The following PTPRG variants were observed in gnomAD, a reference collection of about 807,000 sequenced individuals.
PTPRG encodes receptor-type tyrosine-protein phosphatase gamma.
Under a neutral mutation model 165.3 loss-of-function variants are expected in PTPRG, and 102 were observed. That is an observed-to-expected ratio of 0.62 (90% CI 0.53 to 0.73). The LOEUF is 0.73. PTPRG is among the 30% of genes least tolerant of loss of function. The pLI, the probability that PTPRG is intolerant of heterozygous loss-of-function variation, is 0.00. For missense variants in PTPRG, 1,866 were observed against 1,861.4 expected (o/e 1.00, Z -0.05); for synonymous variants, 675 against 669.5 (o/e 1.01, Z -0.13).
At chr3:62,261,342 T>A (rs917117213) in intron 16 of PTPRG, among the ~76,000 whole-genome samples, 1 of 152,192 alleles carries the variant, frequency 6.6e-6, no homozygotes, top group African/African-American at 2.4e-5. Flanking sequence ...AAAAGGCAGG[T>A]CCCAACGTGC....
chr3:61,840,792 T>G (rs1481687981), intron 2 of PTPRG, among the ~76,000 whole-genome samples: 5 of 147,458 alleles, frequency 3.4e-5, no homozygotes, highest in Non-Finnish European at 6.0e-5. Context: ...GTTTTTTTTT[T>G]TTTTTTTTTG....
chr3:61,565,938 G>A (rs1699902675), intron 1 of PTPRG, among the ~76,000 whole-genome samples: 1 of 151,910 alleles, frequency 6.6e-6, no homozygotes, highest in Admixed American at 6.6e-5. Flanking sequence ...AGATTGTACA[G>A]GTTTTTTTTC....
At chr3:61,766,911 CGCCCA>C (rs1430443445) in intron 2 of PTPRG, among the ~76,000 whole-genome samples, 1 of 151,796 alleles carries the variant, frequency 6.6e-6, no homozygotes, top group Non-Finnish European at 1.5e-5. Context: ...TGAGCCATCG[CGCCCA>C]GCCCAGCCAT....
chr3:62,063,185 T>C (rs1700877395), intron 4 of PTPRG, among the ~76,000 whole-genome samples: 4 of 152,190 alleles, frequency 2.6e-5, no homozygotes, highest in Admixed American at 2.6e-4. Flanking sequence ...ATTTTCTAAT[T>C]ATTATCTTTT....
chr3:62,014,623 G>T (rs769770291), intron 4 of PTPRG, among the ~76,000 whole-genome samples: 2 of 152,106 alleles, frequency 1.3e-5, no homozygotes, highest in African/African-American at 2.4e-5. Flanking sequence ...TGTTCAGCAT[G>T]CCCTGATTAG....
intron 2 of PTPRG, among the ~76,000 whole-genome samples, chr3:61,950,060 T>G (rs372159093): frequency 1.3e-5 from 2 of 152,208 alleles, no homozygotes; most frequent in East Asian, 1.9e-4. Flanking sequence ...CTTTAGTTTT[T>G]AATCACTGCC....
chr3:62,180,715 G>A (rs1289031451), intron 8 of PTPRG, among the ~76,000 whole-genome samples: 3 of 152,150 alleles, frequency 2.0e-5, no homozygotes, highest in South Asian at 2.1e-4. Context: ...CTCCCTTAGC[G>A]CTGAGCTGAA....
At chr3:61,934,237 A>T (rs558008547) in intron 2 of PTPRG, among the ~76,000 whole-genome samples, 1 of 152,314 alleles carries the variant, frequency 6.6e-6, no homozygotes, top group Non-Finnish European at 1.5e-5. Flanking sequence ...ATTAATTAGA[A>T]TCACTGACAC....
At chr3:61,827,969 A>G (rs1001680853) in intron 2 of PTPRG, among the ~76,000 whole-genome samples, 2 of 152,194 alleles carry the variant, frequency 1.3e-5, no homozygotes, top group African/African-American at 4.8e-5. Context: ...AGTTTAGGTA[A>G]TTTCTTACAT....
chr3:61,743,694 C>G (rs752313742), intron 1 of PTPRG, among the ~76,000 whole-genome samples: 1 of 152,208 alleles, frequency 6.6e-6, no homozygotes, highest in Admixed American at 6.5e-5. Flanking sequence ...GACTTCCCCT[C>G]CATAAACCAT....
intron 4 of PTPRG, among the ~76,000 whole-genome samples, chr3:62,015,125 G>A (rs2107746298): frequency 6.6e-6 from 1 of 152,268 alleles, no homozygotes; most frequent in Admixed American, 6.5e-5. Flanking sequence ...TTTCCTTACT[G>A]GCTTCTCTAG....
At chr3:62,278,214 C>G (rs1262562413) in intron 26 of PTPRG, among the ~76,000 whole-genome samples, 2 of 152,020 alleles carry the variant, frequency 1.3e-5, no homozygotes, top group Admixed American at 1.3e-4. Flanking sequence ...CTCCAGAGAC[C>G]ATGCTTATAT....
At chr3:61,849,401 C>T (rs527839457) in intron 2 of PTPRG, among the ~76,000 whole-genome samples, 79 of 152,110 alleles carry the variant, frequency 5.2e-4, no homozygotes, top group African/African-American at 1.9e-3. Context: ...ACTGGAAATG[C>T]GGTGAAAAGA....
At chr3:61,738,269 TATATATATAC>T (rs1488427155) in intron 1 of PTPRG, among the ~76,000 whole-genome samples, 1 of 76,096 alleles carries the variant, frequency 1.3e-5, no homozygotes, top group South Asian at 4.5e-4. Flanking sequence ...TATATATATA[TATATATATAC>T]ATATATATAT....
intron 2 of PTPRG, among the ~76,000 whole-genome samples, chr3:61,920,924 G>GT (rs146237166): frequency 1.3e-5 from 2 of 152,266 alleles, no homozygotes; most frequent in African/African-American, 4.8e-5. Context: ...CTTAGATTTG[G>GT]TGAAATATGA....
At chr3:61,806,209 G>T (rs1176923385) in intron 2 of PTPRG, among the ~76,000 whole-genome samples, 1 of 152,180 alleles carries the variant, frequency 6.6e-6, no homozygotes, top group South Asian at 2.1e-4. Flanking sequence ...AGTGGAGGGA[G>T]GGGGAGAGGG....
chr3:62,101,390 T>G (rs1559506627), intron 5 of PTPRG, among the ~76,000 whole-genome samples: 2 of 152,248 alleles, frequency 1.3e-5, no homozygotes, highest in African/African-American at 4.8e-5. Flanking sequence ...CATCACATTG[T>G]GTGCATACGG....
chr3:61,927,040 A>G (rs1261962501), intron 2 of PTPRG, among the ~76,000 whole-genome samples: 2 of 152,212 alleles, frequency 1.3e-5, no homozygotes. Flanking sequence ...GTGCAACTGC[A>G]TGAGTACATA....
intron 4 of PTPRG, among the ~76,000 whole-genome samples, chr3:62,008,635 T>TTTTCGACACCAGGGACTGGTTTTG (rs2041349456): frequency 6.6e-6 from 1 of 152,200 alleles, no homozygotes; most frequent in African/African-American, 2.4e-5. Flanking sequence ...GTCCCCAACC[T>TTTTCGACACCAGGGACTGGTTTTG]TTTCGACACC....
Sources: gnomAD v4.1 joint callset for allele counts (sites outside exome capture counted in the v4.1 genomes callset) on GRCh38, gnomAD v4.1.1 for gene constraint, MANE v1.5 for transcripts, NCBI Gene and HGNC (gene_info 2026-07-23, HGNC 2026-07-21) for gene names.